AGBL1: variants seen among roughly 807,000 people sequenced by gnomAD.
AGBL1 encodes cytosolic carboxypeptidase 4.
A neutral mutation model predicts 118.9 loss-of-function variants in AGBL1; 130 were observed. That is an observed-to-expected ratio of 1.09 (90% CI 0.95 to 1.26). AGBL1 has a LOEUF of 1.26. Among genes scored for constraint, AGBL1 ranks in the 50% most tolerant of loss-of-function variants. The pLI is 0.00. For missense variants in AGBL1, 1,584 were observed against 1,298.1 expected (o/e 1.22, Z -3.38); for synonymous variants, 555 against 478.9 (o/e 1.16, Z -2.08).
chr15:86,442,063 G>A (rs533012085), intron 18 of AGBL1, among the ~76,000 whole-genome samples: 6 of 152,350 alleles, frequency 3.9e-5, no homozygotes, highest in Non-Finnish European at 7.3e-5. Flanking sequence ...TGAGAAGGGA[G>A]CTAAGAGTCA....
intron 23 of AGBL1, among the ~76,000 whole-genome samples, chr15:86,957,901 T>C (rs2080947243): frequency 6.6e-6 from 1 of 152,026 alleles, no homozygotes; most frequent in Non-Finnish European, 1.5e-5. Context: ...AATATAACTC[T>C]GAACAAAAAC....
chr15:86,563,032 C>A (rs533395821), intron 21 of AGBL1, among the ~76,000 whole-genome samples: 1 of 152,228 alleles, frequency 6.6e-6, no homozygotes, highest in Admixed American at 6.5e-5. Context: ...ATTCTTCTCT[C>A]TTTTTTTCTT....
At chr15:86,114,555 G>T (rs1436175321) in intron 1 of AGBL1, among the ~76,000 whole-genome samples, 1 of 152,204 alleles carries the variant, frequency 6.6e-6, no homozygotes, top group East Asian at 1.9e-4. Context: ...CTTCCATGAT[G>T]GGAGTCCCTT....
chr15:86,790,837 C>T (rs1037432308), intron 22 of AGBL1, among the ~76,000 whole-genome samples: 2 of 151,882 alleles, frequency 1.3e-5, no homozygotes, highest in Non-Finnish European at 2.9e-5. Context: ...TCCTGGAACA[C>T]ACCGTATGGC....
At chr15:86,756,240 G>A (rs932203530) in intron 22 of AGBL1, among the ~76,000 whole-genome samples, 19 of 150,648 alleles carry the variant, frequency 1.3e-4, no homozygotes, top group Non-Finnish European at 1.8e-4. Context: ...TAGTGCCCCC[G>A]CCCCCACCAA....
At chr15:86,095,988 AT>A (rs905440669) in intron 1 of AGBL1, among the ~76,000 whole-genome samples, 3 of 151,556 alleles carry the variant, frequency 2.0e-5, no homozygotes, top group Non-Finnish European at 2.9e-5. Context: ...CTACTTTTAT[AT>A]TTTTTTTCAT....
rs1442907555 is a variant in AGBL1 at position 86,711,317 on chromosome 15, G to GA, written c.3158+36884dup. ...AGGTAAAAGTTCCAACAAGATCAAT[G>GA]AAAGCCTTTTGGTAAATGAGTTCTG... is the stretch of plus-strand genomic sequence containing the variant. On this transcript the variant is annotated intron_variant, in intron 22 of 22. Transcript: ENST00000614907. Among the ~76,000 whole-genome samples, 4 of 152,172 alleles carry GA rather than the reference G, an allele frequency of 2.6e-5. No individual in the cohort carries two copies. The East Asian group carries it at 7.7e-4, about 29-fold the overall frequency.
At chr15:86,349,025 A>G (rs1030840924) in intron 17 of AGBL1, among the ~76,000 whole-genome samples, 12 of 152,226 alleles carry the variant, frequency 7.9e-5, no homozygotes, top group African/African-American at 2.9e-4. Context: ...ATGGAGACAC[A>G]GACATAGAGA....
intron 18 of AGBL1, among the ~76,000 whole-genome samples, chr15:86,418,654 C>T (rs974603357): frequency 1.3e-5 from 2 of 152,128 alleles, no homozygotes; most frequent in Non-Finnish European, 2.9e-5. Context: ...AGATTACTGA[C>T]ATTGTCTTAA....
At chr15:86,664,734 C>T (rs373246959) in intron 21 of AGBL1, among the ~76,000 whole-genome samples, 83 of 152,082 alleles carry the variant, frequency 5.5e-4, no homozygotes, top group African/African-American at 1.9e-3. Context: ...CTAACCAGCT[C>T]ATTCCTTTGC....
At chr15:86,410,822 ATATATATATATATATATAT>A (rs2081598730) in intron 18 of AGBL1, among the ~76,000 whole-genome samples, 1 of 109,422 alleles carries the variant, frequency 9.1e-6, no homozygotes, top group African/African-American at 3.9e-5. Flanking sequence ...ATATATATAT[ATATATATATATATATATAT>A]AATATACTAT....
chr15:86,349,706 G>C (rs2080595606), intron 17 of AGBL1, among the ~76,000 whole-genome samples: 1 of 152,164 alleles, frequency 6.6e-6, no homozygotes, highest in Non-Finnish European at 1.5e-5. Context: ...AGGTCTTGAG[G>C]TTGTACTTTT....
intron 22 of AGBL1, among the ~76,000 whole-genome samples, chr15:86,723,671 A>G (rs1257402962): frequency 2.0e-5 from 3 of 151,654 alleles, no homozygotes; most frequent in African/African-American, 7.2e-5. Context: ...AAAAAAGAAA[A>G]CAAAGCAAAT....
intron 5 of AGBL1, among the ~76,000 whole-genome samples, chr15:86,205,184 CAT>C (rs1015920717): frequency 3.9e-5 from 6 of 152,162 alleles, no homozygotes; most frequent in Non-Finnish European, 8.8e-5. Context: ...TCCAAAATGT[CAT>C]TTAGTTGGAA....
intron 23 of AGBL1, among the ~76,000 whole-genome samples, chr15:86,961,927 A>T (rs1399050774): frequency 6.6e-6 from 1 of 152,170 alleles, no homozygotes; most frequent in African/African-American, 2.4e-5. Context: ...AGGGCTACTA[A>T]ATAGAAGGGC....
chr15:86,988,475 T>G (rs1026199624), intron 24 of AGBL1: 4 of 158,502 alleles, frequency 2.5e-5, no homozygotes, highest in African/African-American at 9.6e-5. Context: ...ATTCATATCA[T>G]TTTGAGGTAC....
chr15:86,564,490 C>T (rs201999897), intron 21 of AGBL1, among the ~76,000 whole-genome samples: 44 of 152,250 alleles, frequency 2.9e-4, no homozygotes, highest in South Asian at 1.5e-3. Flanking sequence ...GAGTTTCTGC[C>T]GAGAGATCTG....
intron 24 of AGBL1, among the ~76,000 whole-genome samples, chr15:87,011,022 T>TTAAG (rs2081554141): frequency 6.6e-6 from 1 of 152,236 alleles, no homozygotes; most frequent in South Asian, 2.1e-4. Flanking sequence ...TCTCTTCTTG[T>TTAAG]TAAGTGCAGA....
At chr15:86,398,509 A>G (rs2081400116) in intron 18 of AGBL1, among the ~76,000 whole-genome samples, 1 of 152,178 alleles carries the variant, frequency 6.6e-6, no homozygotes, top group South Asian at 2.1e-4. Context: ...AATAAAAATT[A>G]GTATCAAAGA....
Sources: allele counts gnomAD v4.1 joint callset (sites outside exome capture counted in the v4.1 genomes callset), GRCh38; gene constraint gnomAD v4.1.1; transcripts MANE v1.5; gene names NCBI Gene and HGNC (gene_info 2026-07-23, HGNC 2026-07-21).